CARD14: variants seen among roughly 807,000 people sequenced by gnomAD.
CARD14 encodes caspase recruitment domain-containing protein 14.
In CARD14, 107 loss-of-function variants were observed where a neutral mutation model predicts 111.5. That is an observed-to-expected ratio of 0.96 (90% CI 0.82 to 1.13). The LOEUF is 1.13. Ranked by LOEUF, CARD14 falls within the 50% of genes most tolerant of loss-of-function variation. The pLI is 0.00. For synonymous variants in CARD14, 617 were observed against 579.6 expected (o/e 1.06, Z -0.93); for missense variants, 1,322 against 1,362.3 (o/e 0.97, Z 0.47).
In CARD14 at chr17:80,204,236, G is replaced by T; in HGVS notation, c.2293G>T (p.Gly765Trp). 3 of 1,589,806 alleles carry T rather than the reference G, an allele frequency of 1.9e-6. No homozygotes were observed. The highest frequency in any genetic ancestry group is 2.3e-5 in the East Asian group (1 of 44,106). ...TCTGTCCCTCCTTTAGCCATCTTCT[G>T]GGGGACCACAGAAGCTGGTCCGCAT... ...QCTVTRKPSS[G>W]GPQKLVRIVS... Residue 765 changes from glycine (G) to tryptophan (W), a missense_variant, in exon 20 of 24, where the codon GGG becomes TGG. Physicochemically the swap from Gly to Trp is radical, Grantham distance 184. Coordinates refer to ENST00000648509, the MANE Select transcript of CARD14 (RefSeq NM_001366385.1).
chr17:80,196,577 G>C (rs965220132), intron 14 of CARD14: 5 of 152,232 alleles, frequency 3.3e-5, no homozygotes, highest in African/African-American at 1.2e-4. Context: ...TTGCCTGTGA[G>C]CCAGGCCTAG....
At chr17:80,185,292 T>C (rs7225248) in intron 7 of CARD14, among the ~76,000 whole-genome samples, 47,187 of 151,900 alleles carry the variant, frequency 0.31, 7,748 homozygotes, top group Middle Eastern at 0.4. Context: ...GCTCAAGCGA[T>C]CCTCCCACCT....
rs957884461 is a variant in CARD14 at position 80,199,005 on chromosome 17, G to A, written c.1851+414G>A. On this transcript the variant is annotated intron_variant, in intron 16 of 23. Transcript: ENST00000648509. ...ACTCTGTCACCCAGGCTAGAGTGCT[G>A]CGGTGCGATCACAGCTCACTGCAGC... The A allele has an allele frequency of 3.6e-5, 30 of 831,010 alleles. No homozygotes were observed. The African/African-American group carries it at 5.4e-4, about 15-fold the overall frequency. The allele number at this position is 831,010 out of a possible 1,614,324, so 51.5% of individuals were successfully genotyped here.
intron 7 of CARD14, 147 bp downstream of exon 7, chr17:80,184,385 G>A (rs1343774373): frequency 6.8e-6 from 5 of 734,584 alleles, no homozygotes; most frequent in Non-Finnish European, 1.0e-5. Context: ...AGACCCCTCT[G>A]GGAAGCTGAT....
rs376212379 is a variant in CARD14 at position 80,201,957 on chromosome 17, C to T, written c.1978+87C>T. ...CCTGGTGGTTCTTCTGCACGCCCAG[C>T]AGCCAGGGACCCCCAGAGCCAAGAG... is the stretch of plus-strand genomic sequence containing the variant. On this transcript the variant is annotated intron_variant, in intron 17 of 23. Transcript: ENST00000648509. This position sits in a 1 kb window ranked among gnomAD's most constrained non-coding sequence, Gnocchi z 5.0. 21 of 1,476,286 alleles carry T rather than the reference C, an allele frequency of 1.4e-5. No homozygotes were observed. The African/African-American group carries it at 1.5e-4, about 11-fold the overall frequency. The allele number at this position is 1,476,286 out of a possible 1,614,324, so 91.4% of individuals were successfully genotyped here.
At chr17:80,173,329 C>CAT (rs2039952252) in intron 2 of CARD14, 101 bp downstream of exon 2, 1 of 61,662 alleles carries the variant, frequency 1.6e-5, no homozygotes, top group South Asian at 5.3e-4. Context: ...CACACACGCG[C>CAT]GCGCGCGCGC....
chr17:80,177,667 C>A (rs1413921376), intron 2 of CARD14, among the ~76,000 whole-genome samples: 1 of 152,122 alleles, frequency 6.6e-6, no homozygotes, highest in Non-Finnish European at 1.5e-5. Context: ...TGCACTGCAG[C>A]CTGGGAGACG....
Position 80,188,147 on chromosome 17 carries a change from G to A in CARD14, c.676-230G>A, listed in dbSNP as rs372127082. 6.6e-5 allele frequency: 31 copies of A among 466,938 alleles called. No homozygotes were observed. Among genetic ancestry groups the A allele is most frequent in the East Asian group, 5.0e-4 (10 of 20,158 alleles). 28.9% of individuals were successfully genotyped at this position (466,938 alleles called of 1,614,324 possible). On this transcript the variant is annotated intron_variant, in intron 7 of 23. Transcript: ENST00000648509. The surrounding 1 kb of genome is among the most constrained non-coding windows in gnomAD (Gnocchi z 4.5). Reference sequence around the variant, plus strand: ...CCCTAACCCTGGATGGAGTTCAACCGCGGTGCCTCATCTATAAGACAGAGC... The same window carrying A: ...CCCTAACCCTGGATGGAGTTCAACCACGGTGCCTCATCTATAAGACAGAGC...
At chr17:80,170,081 G>A (rs1170427280) in intron 1 of CARD14, 25 bp downstream of exon 1, 2 of 131,838 alleles carry the variant, frequency 1.5e-5, no homozygotes, top group Admixed American at 7.4e-5. Flanking sequence ...TCCATCCGGC[G>A]AAGAGCAGGT....
chr17:80,204,952 C>T lies in CARD14; in HGVS notation c.2399-83C>T, dbSNP rs375538234. On this transcript the variant is annotated intron_variant, in intron 20 of 23. Coordinates refer to ENST00000648509, the MANE Select transcript of CARD14 (RefSeq NM_001366385.1). ...GCTGGGGCTGCTGCAGTGAGCAAAG[C>T]AGACCCAGTCCCTCCCGGGGCAGGG... The T allele has an allele frequency of 1.4e-5, 17 of 1,244,300 alleles. No individual in the cohort carries two copies. In the African/African-American group the frequency reaches 2.1e-4, roughly 15 times the overall value. 77.1% of individuals were successfully genotyped at this position (1,244,300 alleles called of 1,614,324 possible).
chr17:80,191,821 G>C (rs1183054167), intron 11 of CARD14, among the ~76,000 whole-genome samples: 1 of 152,244 alleles, frequency 6.6e-6, no homozygotes, highest in South Asian at 2.1e-4. Context: ...CATTTGCAGT[G>C]TAGATGCTGT....
intron 22 of CARD14, chr17:80,206,767 A>C: frequency 2.8e-6 from 1 of 361,668 alleles, no homozygotes; most frequent in East Asian, 4.3e-5. Context: ...ACTCCGTCTC[A>C]AAAAAATAAA....
At chr17:80,194,543 A>C (rs981867332) in intron 12 of CARD14, among the ~76,000 whole-genome samples, 28 of 152,318 alleles carry the variant, frequency 1.8e-4, no homozygotes, top group Admixed American at 1.8e-3. Flanking sequence ...GTTCGTTCTC[A>C]TGCTGGTGAT....
chr17:80,188,410 A>C lies in CARD14; in HGVS notation c.709A>C (p.Asn237His), dbSNP rs114218658. 7.9e-4 allele frequency: 1,274 copies of C among 1,611,048 alleles called. 9 individuals carry two copies. The African/African-American group carries it at 0.015, about 19-fold the overall frequency. Residue 237 changes from asparagine (N) to histidine (H), a missense_variant, in exon 8 of 24, where the codon AAC (asparagine) becomes CAC (histidine). Transcript: ENST00000648509. This position sits in a 1 kb window ranked among gnomAD's most constrained non-coding sequence, Gnocchi z 4.5. ...ACTGAAGCAGGAGCTGCAGCGAGCC[A>C]ACATGGTTTCCTCCTGTGAGCTGGA... ...YLLKQELQRA[N>H]MVSSCELELQ...
intron 1 of CARD14, among the ~76,000 whole-genome samples, chr17:80,170,990 G>A (rs1432752662): frequency 7.3e-5 from 11 of 150,866 alleles, no homozygotes; most frequent in South Asian, 2.1e-4. Context: ...ATAGGTGCAC[G>A]CCACCACACC....
At chr17:80,204,604 A>G (rs534424760) in intron 20 of CARD14, 6 of 386,698 alleles carry the variant, frequency 1.6e-5, no homozygotes, top group African/African-American at 6.1e-5. Context: ...AGCCTGGGCA[A>G]TAAGAGCAAA....
Position 80,195,119 on chromosome 17 carries a change from G to T in CARD14, c.1357-72G>T. On this transcript the variant is annotated intron_variant, in intron 12 of 23. Coordinates refer to ENST00000648509, the MANE Select transcript of CARD14 (RefSeq NM_001366385.1). This position sits in a 1 kb window ranked among gnomAD's most constrained non-coding sequence, Gnocchi z 4.7. The stretch of plus-strand genomic sequence containing the variant: ...TTCTCACTGTGGCTCTCTCTACACC[G>T]TGGGGGAGCAAGGGAGGAGTCTCAG... 1 of 1,521,528 alleles carries T rather than the reference G, an allele frequency of 6.6e-7. No individual in the cohort carries two copies. The allele number at this position is 1,521,528 out of a possible 1,614,324, so 94.3% of individuals were successfully genotyped here.
intron 12 of CARD14, among the ~76,000 whole-genome samples, chr17:80,194,021 C>T (rs1156821675): frequency 6.6e-6 from 1 of 152,136 alleles, no homozygotes; most frequent in Non-Finnish European, 1.5e-5. Flanking sequence ...ATCAGCTGCC[C>T]TCCAGCCACT....
chr17:80,197,534 A>C (rs2040757678), intron 14 of CARD14: 1 of 122,194 alleles, frequency 8.2e-6, no homozygotes, highest in South Asian at 2.8e-4. Flanking sequence ...CTCTGTCTCA[A>C]AAAAAAAAAA....
Sources: gnomAD v4.1 joint callset for allele counts (sites outside exome capture counted in the v4.1 genomes callset) on GRCh38, gnomAD v4.1.1 for gene constraint, Gnocchi (gnomAD v3.1) non-coding constraint, MANE v1.5 for transcripts, NCBI Gene and HGNC (gene_info 2026-07-23, HGNC 2026-07-21) for gene names.